The following KIF3C variants were observed in gnomAD, a reference collection of about 807,000 sequenced individuals.
KIF3C encodes kinesin family member 3C.
KIF3C carries 12 observed loss-of-function variants against 67.7 expected under a neutral mutation model. The ratio of observed to expected loss-of-function variants is 0.18; its 90% CI spans 0.11 to 0.29. The LOEUF (loss-of-function observed/expected upper bound fraction) is 0.29. Ranked by LOEUF, KIF3C falls within the 10% of genes least tolerant of loss-of-function variation. The pLI, the probability that KIF3C is intolerant of heterozygous loss-of-function variation, is 1.00. For missense variants in KIF3C, 789 were observed against 1,059.6 expected (o/e 0.74, Z 3.55); for synonymous variants, 393 against 426.2 (o/e 0.92, Z 0.96).
intron 1 of KIF3C, among the ~76,000 whole-genome samples, chr2:25,977,842 G>A (rs1664455590): frequency 6.6e-6 from 1 of 152,114 alleles, no homozygotes; most frequent in Non-Finnish European, 1.5e-5. Flanking sequence ...CGGTGCCTTG[G>A]GGCTATGGGG....
chr2:25,930,147 G>T (rs780849969), intron 5 of KIF3C, 84 bp from the exon 6 acceptor site: 4 of 1,074,402 alleles, frequency 3.7e-6, no homozygotes, highest in Non-Finnish European at 5.7e-6. Flanking sequence ...TATCATTCAG[G>T]TAGCTAGGAG....
chr2:25,967,599 G>A (rs1162246743), intron 1 of KIF3C, among the ~76,000 whole-genome samples: 1 of 152,210 alleles, frequency 6.6e-6, no homozygotes, highest in Non-Finnish European at 1.5e-5. Flanking sequence ...TTGACCCCAG[G>A]AGTTCAAGAC....
At chr2:25,943,288 T>C (rs1177297684) in intron 5 of KIF3C, among the ~76,000 whole-genome samples, 1 of 152,064 alleles carries the variant, frequency 6.6e-6, no homozygotes, top group Non-Finnish European at 1.5e-5. Flanking sequence ...TCAGACCCCA[T>C]GGTTCCTGAA....
intron 1 of KIF3C, among the ~76,000 whole-genome samples, chr2:25,970,797 G>A (rs1055170164): frequency 2.6e-5 from 4 of 151,424 alleles, no homozygotes; most frequent in Non-Finnish European, 5.9e-5. Flanking sequence ...GAAGAAAGGA[G>A]AAACCCTGCA....
chr2:25,978,168 G>C (rs1471735806), intron 1 of KIF3C, among the ~76,000 whole-genome samples: 1 of 152,082 alleles, frequency 6.6e-6, no homozygotes, highest in South Asian at 2.1e-4. Context: ...CACAGGGCTG[G>C]GGGCATCAGA....
At chr2:25,966,010 A>G (rs1664131309) in intron 1 of KIF3C, among the ~76,000 whole-genome samples, 1 of 152,122 alleles carries the variant, frequency 6.6e-6, no homozygotes, top group African/African-American at 2.4e-5. Flanking sequence ...GACTTTGGGA[A>G]TCATCAACCC....
chr2:25,958,050 A>ACCTGCCTCGCCTCATCCCTGC lies in KIF3C; in HGVS notation c.1546-1627_1546-1607dup, dbSNP rs1445423429. On this transcript the variant is annotated intron_variant, in intron 1 of 7. Coordinates refer to ENST00000264712, the MANE Select transcript of KIF3C (RefSeq NM_002254.8). This position sits in a 1 kb window ranked among gnomAD's most constrained non-coding sequence, Gnocchi z 4.5. Reference sequence around the variant, plus strand: ...CCTTACACTGCATCCTCAGCGACTCACCTGCCTCGCCTCATCCCTGCCCTG... The same window carrying ACCTGCCTCGCCTCATCCCTGC: ...CCTTACACTGCATCCTCAGCGACTCACCTGCCTCGCCTCATCCCTGCCCTGCCTCGCCTCATCCCTGCCCTG... 3.9e-4 allele frequency among the ~76,000 whole-genome samples: 59 copies of ACCTGCCTCGCCTCATCCCTGC among 152,176 alleles called. No individual in the cohort carries two copies. Among genetic ancestry groups the ACCTGCCTCGCCTCATCCCTGC allele is most frequent in the Non-Finnish European group, 7.4e-4 (50 of 67,982 alleles).
Position 25,929,451 on chromosome 2 carries a change from C to T in KIF3C, c.2142G>A (p.Leu714=), listed in dbSNP as rs568918833. Residue 714 remains leucine, a synonymous_variant, in exon 7 of 8, where the codon TTG becomes TTA. Coordinates refer to ENST00000264712, the MANE Select transcript of KIF3C (RefSeq NM_002254.8). ...YRAENIMFLE[L]DVSPPAVFEM... ...CAAAGACAGCTGGAGGGGACACATC[C>T]AACTCCAGAAACATTATGTTTTCAG... The T allele has an allele frequency of 2.1e-4, 339 of 1,614,098 alleles. 4 individuals are homozygous for T. In the South Asian group the frequency reaches 3.5e-3, roughly 17 times the overall value.
intron 1 of KIF3C, among the ~76,000 whole-genome samples, chr2:25,959,310 G>A (rs1289551696): frequency 1.3e-5 from 2 of 152,032 alleles, no homozygotes; most frequent in Non-Finnish European, 2.9e-5. Flanking sequence ...TTTACATGCT[G>A]TCCCCCCTGT....
At chr2:25,947,408 T>C (rs922297505) in intron 5 of KIF3C, among the ~76,000 whole-genome samples, 17 of 151,946 alleles carry the variant, frequency 1.1e-4, no homozygotes, top group East Asian at 3.9e-4. Flanking sequence ...GGTGAAACCC[T>C]GTCTTTACTA....
chr2:25,962,787 T>C (rs1469751400), intron 1 of KIF3C, among the ~76,000 whole-genome samples: 2 of 91,812 alleles, frequency 2.2e-5, no homozygotes, highest in East Asian at 4.7e-4. Flanking sequence ...GTTATATATA[T>C]AATATATATT....
rs756242565 is a variant in KIF3C, at chr2:25,981,809, C to T, written c.109G>A (p.Val37Met). 1.2e-6 allele frequency: 2 copies of T among 1,613,316 alleles called. No homozygotes were observed. The highest frequency in any genetic ancestry group is 1.1e-5 in the South Asian group (1 of 91,010). ...CGCAGGGTCACCTGGCCCAGTTTCA[C>T]GTCCATGGTCAGGATCTGCTCGTGA... ...AGHEQILTMD[V>M]KLGQVTLRNP... Residue 37 changes from valine to methionine, a missense_variant, in exon 1 of 8, where the codon GTG becomes ATG. Physicochemically the swap from Val to Met is conservative, Grantham distance 21. Transcript: ENST00000264712. This position sits in a 1 kb window ranked among gnomAD's most constrained non-coding sequence, Gnocchi z 8.2.
chr2:25,934,155 A>G (rs770672585), intron 5 of KIF3C: 2 of 471,144 alleles, frequency 4.2e-6, no homozygotes, highest in South Asian at 3.1e-5. Context: ...TACATAAAAT[A>G]TCTGGAATAG....
rs1409820734 is a variant in KIF3C, at chr2:25,927,673, C to T, written c.*1305G>A. 6.6e-6 allele frequency: 1 copy of T among 152,160 alleles called. No individual in the cohort carries two copies. The highest frequency in any genetic ancestry group is 2.4e-5 in the African/African-American group (1 of 41,432). The allele number at this position is 152,160 out of a possible 1,614,324, so 9.4% of individuals were successfully genotyped here. ...ATATTCTAGGAACTGGAGACTCACA[C>T]TATTAGGGCACTTTGAAATCCTAAT... On this transcript the variant is annotated 3_prime_UTR_variant, in exon 8 of 8. Coordinates refer to ENST00000264712, the MANE Select transcript of KIF3C (RefSeq NM_002254.8).
rs1663774515 is a variant in KIF3C at position 25,955,158 on chromosome 2, T to A, written c.1770+383A>T. On this transcript the variant is annotated intron_variant, in intron 3 of 7. Coordinates refer to ENST00000264712, the MANE Select transcript of KIF3C (RefSeq NM_002254.8). The surrounding 1 kb of genome is among the most constrained non-coding windows in gnomAD (Gnocchi z 5.0). The stretch of plus-strand genomic sequence containing the variant: ...CCTTGAGGGCCTTACACTCCCCACC[T>A]GAGCTTCCCGGGGTTCCAGTCTCCT... Among the ~76,000 whole-genome samples the A allele has an allele frequency of 6.6e-6, 1 of 152,142 alleles. No individual in the cohort carries two copies. The highest frequency in any genetic ancestry group is 2.4e-5 in the African/African-American group (1 of 41,444).
intron 1 of KIF3C, among the ~76,000 whole-genome samples, chr2:25,969,036 C>A (rs962291379): frequency 1.3e-5 from 2 of 152,088 alleles, no homozygotes; most frequent in Non-Finnish European, 2.9e-5. Context: ...GTTGGTCAGG[C>A]TGGTCTCGAA....
rs1387464948 is a variant in KIF3C at position 25,980,157 on chromosome 2, G to C, written c.1545+216C>G. ...CTGGCTTGAGAGACCGCCTGTCCACGTTGCTTCGTGTGTGTGTGCCTGTGC... is the reference window on the plus strand; with the variant it reads ...CTGGCTTGAGAGACCGCCTGTCCACCTTGCTTCGTGTGTGTGTGCCTGTGC... On this transcript the variant is annotated intron_variant, in intron 1 of 7. Coordinates refer to ENST00000264712, the MANE Select transcript of KIF3C (RefSeq NM_002254.8). The surrounding 1 kb of genome is among the most constrained non-coding windows in gnomAD (Gnocchi z 7.6). Among the ~76,000 whole-genome samples, 1 of 152,162 alleles carries C rather than the reference G, an allele frequency of 6.6e-6. No individual in the cohort carries two copies. Among genetic ancestry groups the C allele is most frequent in the Non-Finnish European group, 1.5e-5 (1 of 68,028 alleles).
chr2:25,938,620 G>A lies in KIF3C; in HGVS notation c.2007-8557C>T, dbSNP rs145037542. ...GGGCTATTCTGGGTGGCATGTGGGA[G>A]AGAAGGGTTGGGGGAAGGGAGTCTG... On this transcript the variant is annotated intron_variant, in intron 5 of 7. Coordinates refer to ENST00000264712, the MANE Select transcript of KIF3C (RefSeq NM_002254.8). Among the ~76,000 whole-genome samples the A allele has an allele frequency of 1.5e-3, 233 of 152,306 alleles. 9 individuals are homozygous for A. The East Asian group carries it at 0.039, about 26-fold the overall frequency.
At chr2:25,937,552 C>A (rs1663167404) in intron 5 of KIF3C, among the ~76,000 whole-genome samples, 1 of 152,160 alleles carries the variant, frequency 6.6e-6, no homozygotes, top group South Asian at 2.1e-4. Flanking sequence ...GCAGAGCCAT[C>A]CCCTCTAAGA....
Sources: gnomAD v4.1 joint callset for allele counts (sites outside exome capture counted in the v4.1 genomes callset) on GRCh38, gnomAD v4.1.1 for gene constraint, Gnocchi (gnomAD v3.1) non-coding constraint, MANE v1.5 for transcripts, NCBI Gene and HGNC (gene_info 2026-07-23, HGNC 2026-07-21) for gene names.